Variants in USP34 observed in about 807,000 individuals in gnomAD.
USP34 encodes the protein ubiquitin specific peptidase 34.
In USP34, 70 loss-of-function variants were observed where a neutral mutation model predicts 460.3. That is an observed-to-expected ratio of 0.15 (90% CI 0.13 to 0.19). USP34 has a LOEUF of 0.19. USP34 is among the 10% of genes least tolerant of loss of function. The probability of loss-of-function intolerance (pLI) is 1.00; values close to 1 mark genes in which losing one functional copy is unlikely to be tolerated. For missense variants in USP34, 3,985 were observed against 4,236.2 expected, an observed-to-expected ratio of 0.94 and a Z score of 1.65; for synonymous variants, 1,647 against 1,405.3, an observed-to-expected ratio of 1.17 and a Z score of -3.85.
At chr2:61,196,061 C>T (rs1462708679) in intron 75 of USP34, among the ~76,000 whole-genome samples, 1 of 137,202 alleles carries the variant, frequency 7.3e-6, no homozygotes, top group Non-Finnish European at 1.6e-5. Flanking sequence ...TATGCACCAC[C>T]ATGCACGATT....
chr2:61,260,717 G>T (rs1475215891), intron 43 of USP34, among the ~76,000 whole-genome samples: 1 of 152,098 alleles, frequency 6.6e-6, no homozygotes, highest in Non-Finnish European at 1.5e-5. Flanking sequence ...TTATATGAGA[G>T]GCTTAATATT....
At chr2:61,262,108 AAAAAAAAAAT>A (rs1431170072) in intron 43 of USP34, among the ~76,000 whole-genome samples, 2 of 90,362 alleles carry the variant, frequency 2.2e-5, no homozygotes, top group East Asian at 3.4e-4. Context: ...AAAAAAAAAA[AAAAAAAAAAT>A]ATATATATAT....
chr2:61,244,621 A>T (rs1572866537), intron 51 of USP34, among the ~76,000 whole-genome samples: 1 of 35,704 alleles, frequency 2.8e-5, no homozygotes, highest in South Asian at 3.3e-3. Flanking sequence ...CTTGGGGGCA[A>T]AAAAAAAAAA....
chr2:61,404,171 G>A (rs575283989), intron 3 of USP34, among the ~76,000 whole-genome samples: 47 of 151,866 alleles, frequency 3.1e-4, no homozygotes, highest in Admixed American at 1.6e-3. Context: ...GTCTCCATTC[G>A]ACATGAAAAT....
rs2104049748 is a variant in USP34, at chr2:61,447,806, A to T, written c.43+22844T>A. 2.0e-5 allele frequency among the ~76,000 whole-genome samples: 3 copies of T among 152,174 alleles called. No homozygotes were observed. The South Asian group carries it at 6.2e-4, about 31-fold the overall frequency. ...TCTCGGCTTGCTGCAACCTCCGCCTACTGGGATCAAGCCATTCTCCTGCCT... is the reference window on the plus strand; with the variant it reads ...TCTCGGCTTGCTGCAACCTCCGCCTTCTGGGATCAAGCCATTCTCCTGCCT... On this transcript the variant is annotated intron_variant, in intron 1 of 79. Transcript: ENST00000398571.
intron 20 of USP34, among the ~76,000 whole-genome samples, chr2:61,329,502 T>C (rs1002960735): frequency 1.3e-5 from 2 of 152,174 alleles, no homozygotes; most frequent in African/African-American, 2.4e-5. Context: ...AGCAAAGCTA[T>C]GGAATACAGT....
intron 21 of USP34, among the ~76,000 whole-genome samples, chr2:61,324,963 A>G (rs1691040683): frequency 6.6e-6 from 1 of 152,178 alleles, no homozygotes; most frequent in Non-Finnish European, 1.5e-5. Flanking sequence ...ATGGAACTGA[A>G]GGCCATTATT....
At chr2:61,422,518 C>T (rs1694392503) in intron 1 of USP34, among the ~76,000 whole-genome samples, 1 of 152,220 alleles carries the variant, frequency 6.6e-6, no homozygotes. Context: ...CAGCTATCAT[C>T]ATACTCAAAG....
intron 41 of USP34, among the ~76,000 whole-genome samples, chr2:61,273,485 G>T (rs933647314): frequency 2.0e-5 from 3 of 152,096 alleles, no homozygotes; most frequent in Non-Finnish European, 2.9e-5. Context: ...TTGGGAGGCC[G>T]AGGCAGGCGA....
rs557098727 is a variant in USP34, at chr2:61,348,985, C to A, written c.1544-99G>T. 8.5e-5 allele frequency: 115 copies of A among 1,356,398 alleles called. 1 individual carries two copies. The South Asian group carries it at 1.6e-3, about 19-fold the overall frequency. The allele number at this position is 1,356,398 out of a possible 1,614,324, so 84.0% of individuals were successfully genotyped here. On this transcript the variant is annotated intron_variant, in intron 13 of 79. Coordinates refer to ENST00000398571, the MANE Select transcript of USP34 (RefSeq NM_014709.4). ...TGATTCCTTGACCTAGTTACCAAAGCTTTATGCTAAGTAGCCAAAAATAAA... is the reference window on the plus strand; with the variant it reads ...TGATTCCTTGACCTAGTTACCAAAGATTTATGCTAAGTAGCCAAAAATAAA...
chr2:61,206,960 C>T (rs1031746860), intron 70 of USP34, 74 bp from the exon 71 acceptor site: 46 of 1,480,558 alleles, frequency 3.1e-5, no homozygotes, highest in Non-Finnish European at 2.8e-6. Flanking sequence ...TAGTACTCGT[C>T]CTCTACGATA....
At chr2:61,356,022 A>AC (rs1220983471) in intron 10 of USP34, among the ~76,000 whole-genome samples, 2 of 152,238 alleles carry the variant, frequency 1.3e-5, no homozygotes, top group Non-Finnish European at 2.9e-5. Flanking sequence ...AAATGGAATT[A>AC]CCATTTAATC....
chr2:61,357,973 A>G (rs1182731461), intron 10 of USP34, among the ~76,000 whole-genome samples: 2 of 152,066 alleles, frequency 1.3e-5, no homozygotes, highest in African/African-American at 4.8e-5. Flanking sequence ...GGTGGATCAC[A>G]TGAGGTCATA....
At chr2:61,272,331 A>C (rs1254086465) in intron 41 of USP34, among the ~76,000 whole-genome samples, 1 of 151,676 alleles carries the variant, frequency 6.6e-6, no homozygotes, top group African/African-American at 2.4e-5. Context: ...GAATGGTGTG[A>C]ACCTGGGAGG....
intron 68 of USP34, 54 bp from the exon 69 acceptor site, chr2:61,211,983 G>T: frequency 1.3e-6 from 2 of 1,526,208 alleles, no homozygotes; most frequent in African/African-American, 2.9e-5. Flanking sequence ...ATTTTAGAAG[G>T]TCAGTTTCTC....
chr2:61,193,242 T>G (rs1686692351), intron 75 of USP34: 2 of 253,286 alleles, frequency 7.9e-6, no homozygotes, highest in Non-Finnish European at 1.5e-5. Context: ...GTATTAGAAC[T>G]TTATCTGGGA....
chr2:61,460,338 G>A (rs907519892), intron 1 of USP34, among the ~76,000 whole-genome samples: 2 of 152,072 alleles, frequency 1.3e-5, no homozygotes, highest in Non-Finnish European at 2.9e-5. Context: ...AGCATATCCA[G>A]GCTGCACATG....
At chr2:61,337,375 A>T (rs1191451476) in intron 18 of USP34, among the ~76,000 whole-genome samples, 4 of 149,690 alleles carry the variant, frequency 2.7e-5, no homozygotes, top group African/African-American at 9.8e-5. Flanking sequence ...TATTTCAATG[A>T]ATAGTCCACA....
intron 18 of USP34, among the ~76,000 whole-genome samples, chr2:61,334,872 T>C (rs577140138): frequency 1.4e-4 from 22 of 152,340 alleles, no homozygotes; most frequent in African/African-American, 5.0e-4. Flanking sequence ...TGCTGAATTA[T>C]TGAGGAATAA....
Sources: gnomAD v4.1 joint callset for allele counts (sites outside exome capture counted in the v4.1 genomes callset) on GRCh38, gnomAD v4.1.1 for gene constraint, MANE v1.5 for transcripts, NCBI Gene and HGNC (gene_info 2026-07-23, HGNC 2026-07-21) for gene names.